The following EMILIN2 variants were observed in gnomAD, a reference collection of about 807,000 sequenced individuals.
The protein encoded by EMILIN2 is EMILIN-2.
A neutral mutation model predicts 87.1 loss-of-function variants in EMILIN2; 71 were observed. That is an observed-to-expected ratio of 0.82 (90% CI 0.67 to 0.99). EMILIN2 has a LOEUF of 0.99. Ranked by LOEUF, EMILIN2 falls within the 50% of genes least tolerant of loss-of-function variation. The probability of loss-of-function intolerance (pLI) is 0.00; values close to 1 mark genes in which losing one functional copy is unlikely to be tolerated. For missense variants in EMILIN2, 1,407 were observed against 1,371.8 expected, an observed-to-expected ratio of 1.03 and a Z score of -0.40; for synonymous variants, 581 against 563.4, an observed-to-expected ratio of 1.03 and a Z score of -0.44.
Position 2,867,548 on chromosome 18 carries a change from G to T in EMILIN2, c.258-17416G>T, listed in dbSNP as rs2076692824. On this transcript the variant is annotated intron_variant, in intron 2 of 7. Transcript: ENST00000254528. ...GTACTTAAGATTAGGGAGTGGTGAT[G>T]ACTCTCAACGAGCATGCTGCCTTCA... Among the ~76,000 whole-genome samples, 7 of 152,248 alleles carry T rather than the reference G, an allele frequency of 4.6e-5. No individual in the cohort carries two copies. The South Asian group carries it at 1.5e-3, about 32-fold the overall frequency.
chr18:2,888,030 A>G (rs2076811517), intron 3 of EMILIN2, among the ~76,000 whole-genome samples: 1 of 152,148 alleles, frequency 6.6e-6, no homozygotes, highest in African/African-American at 2.4e-5. Flanking sequence ...ATATTCTACA[A>G]TACTACTTAA....
intron 2 of EMILIN2, among the ~76,000 whole-genome samples, chr18:2,870,195 T>C (rs11878081): frequency 0.072 from 10,917 of 152,222 alleles, 1,353 homozygotes; most frequent in African/African-American, 0.25. Context: ...GAACTATGAT[T>C]GTGCCACTGC....
At chr18:2,909,193 G>A (rs2076929151) in intron 6 of EMILIN2, among the ~76,000 whole-genome samples, 1 of 152,204 alleles carries the variant, frequency 6.6e-6, no homozygotes, top group Non-Finnish European at 1.5e-5. Context: ...TCAGGCCCAA[G>A]ACAAGGAATC....
At chr18:2,876,131 G>T (rs920359078) in intron 2 of EMILIN2, among the ~76,000 whole-genome samples, 1 of 151,778 alleles carries the variant, frequency 6.6e-6, no homozygotes, top group African/African-American at 2.4e-5. Flanking sequence ...ACAGGCGCGT[G>T]CCACCACACC....
At chr18:2,883,927 G>A (rs1002176184) in intron 2 of EMILIN2, among the ~76,000 whole-genome samples, 2 of 152,134 alleles carry the variant, frequency 1.3e-5, no homozygotes, top group African/African-American at 4.8e-5. Context: ...AGACATGATG[G>A]AGAGCAGGGT....
At chr18:2,893,120 C>T (rs1474955963) in intron 4 of EMILIN2, among the ~76,000 whole-genome samples, 4 of 152,052 alleles carry the variant, frequency 2.6e-5, no homozygotes, top group Admixed American at 6.6e-5. Flanking sequence ...AATATCAGTT[C>T]ACAACACATT....
chr18:2,883,025 G>T (rs1006412294), intron 2 of EMILIN2, among the ~76,000 whole-genome samples: 1 of 152,172 alleles, frequency 6.6e-6, no homozygotes, highest in African/African-American at 2.4e-5. Context: ...GGGCGACCAA[G>T]TGATACTTAT....
Position 2,894,360 on chromosome 18 carries a change from G to A in EMILIN2, c.2359+1874G>A, listed in dbSNP as rs1051401338. Among the ~76,000 whole-genome samples the A allele has an allele frequency of 5.3e-5, 8 of 152,132 alleles. No homozygotes were observed. Among genetic ancestry groups the A allele is most frequent in the African/African-American group, 1.4e-4 (6 of 41,402 alleles). ...AGGACCAGGAATCTGGCCGCCACCC[G>A]AGTGTCCAGCCCACTGCACCTCACT... On this transcript the variant is annotated intron_variant, in intron 4 of 7. Transcript: ENST00000254528. This position sits in a 1 kb window ranked among gnomAD's most constrained non-coding sequence, Gnocchi z 5.0.
At chr18:2,874,100 A>G (rs2076735781) in intron 2 of EMILIN2, among the ~76,000 whole-genome samples, 1 of 113,596 alleles carries the variant, frequency 8.8e-6, no homozygotes, top group African/African-American at 3.6e-5. Context: ...TTTGTCCTGG[A>G]GAAAAGCTCC....
At chr18:2,859,397 C>A (rs899186859) in intron 2 of EMILIN2, among the ~76,000 whole-genome samples, 3 of 152,042 alleles carry the variant, frequency 2.0e-5, no homozygotes, top group Non-Finnish European at 4.4e-5. Context: ...ATGTCCTTAG[C>A]CTACTTTTTG....
intron 2 of EMILIN2, among the ~76,000 whole-genome samples, chr18:2,878,964 C>A (rs1195310029): frequency 1.3e-5 from 2 of 152,114 alleles, no homozygotes; most frequent in Non-Finnish European, 2.9e-5. Context: ...TTTTAGTAGC[C>A]TGTGTCAAAA....
In EMILIN2 at chr18:2,913,431, G is replaced by C. The variant is rs773920256; in HGVS notation, c.*27G>C. 1 of 1,510,224 alleles carries C rather than the reference G, an allele frequency of 6.6e-7. No homozygotes were observed. The highest frequency in any genetic ancestry group is 2.3e-5 in the East Asian group (1 of 44,356). The allele number at this position is 1,510,224 out of a possible 1,614,324, so 93.6% of individuals were successfully genotyped here. ...GTGGCTGGGGAGATGTCAGGGGAAA[G>C]ATAGATAGTTGTAAAAACTCTAAAG... On this transcript the variant is annotated 3_prime_UTR_variant, in exon 8 of 8. Transcript: ENST00000254528.
intron 3 of EMILIN2, among the ~76,000 whole-genome samples, chr18:2,889,813 C>T (rs2076825154): frequency 6.6e-6 from 1 of 151,600 alleles, no homozygotes; most frequent in South Asian, 2.1e-4. Context: ...CAGGCACACA[C>T]CACCTCCCTG....
At position 2,892,209 on chromosome 18, in the gene EMILIN2, G is replaced by A; in HGVS notation, c.2082G>A (p.Gly694=). 1 of 1,608,210 alleles carries A rather than the reference G, an allele frequency of 6.2e-7. No homozygotes were observed. The highest frequency in any genetic ancestry group is 1.1e-5 in the South Asian group (1 of 90,614). Residue 694 remains glycine (G), a synonymous_variant, in exon 4 of 8, where the codon GGG becomes GGA. Transcript: ENST00000254528. ...ATGCTTGTAAGGAATGCACGCAGGG[G>A]GTCCAGAGGGAGGTCTCCATGGTGG... is the stretch of plus-strand genomic sequence containing the variant. ...ELDACKECTQ[G]VQREVSMVEG...
intron 2 of EMILIN2, among the ~76,000 whole-genome samples, chr18:2,849,811 C>T (rs1457137976): frequency 6.6e-6 from 1 of 152,224 alleles, no homozygotes; most frequent in African/African-American, 2.4e-5. Flanking sequence ...TTGACATTAG[C>T]TTCAGCAGTA....
At chr18:2,881,218 G>A (rs1254558645) in intron 2 of EMILIN2, among the ~76,000 whole-genome samples, 3 of 152,174 alleles carry the variant, frequency 2.0e-5, no homozygotes, top group South Asian at 2.1e-4. Context: ...ATCGTCATGC[G>A]ACATCCCTAG....
intron 2 of EMILIN2, among the ~76,000 whole-genome samples, chr18:2,872,573 G>T (rs1184462722): frequency 6.6e-6 from 1 of 152,178 alleles, no homozygotes; most frequent in Non-Finnish European, 1.5e-5. Context: ...CAGCTAAAAT[G>T]ATGTGATACA....
chr18:2,886,129 AATTC>A (rs901341794), intron 3 of EMILIN2, among the ~76,000 whole-genome samples: 2 of 152,144 alleles, frequency 1.3e-5, no homozygotes, highest in African/African-American at 4.8e-5. Context: ...GTTAAAGAAA[AATTC>A]ATTTATCTCA....
chr18:2,867,286 ATTTT>A (rs2076691179), intron 2 of EMILIN2, among the ~76,000 whole-genome samples: 1 of 151,422 alleles, frequency 6.6e-6, no homozygotes, highest in African/African-American at 2.4e-5. Flanking sequence ...ATTCTTCTTT[ATTTT>A]ATTTTTATTT....
Sources: gnomAD v4.1 joint callset for allele counts (sites outside exome capture counted in the v4.1 genomes callset) on GRCh38, gnomAD v4.1.1 for gene constraint, Gnocchi (gnomAD v3.1) non-coding constraint, MANE v1.5 for transcripts, NCBI Gene and HGNC (gene_info 2026-07-23, HGNC 2026-07-21) for gene names.